The following LRFN2 variants were observed in gnomAD, a reference collection of about 807,000 sequenced individuals.
LRFN2 encodes the protein leucine-rich repeat and fibronectin type-III domain-containing protein 2.
Under a neutral mutation model 37.3 loss-of-function variants are expected in LRFN2, and 18 were observed. That is an observed-to-expected ratio of 0.48 (90% CI 0.33 to 0.72). The LOEUF (loss-of-function observed/expected upper bound fraction) is 0.72. Ranked by LOEUF, LRFN2 falls within the 30% of genes least tolerant of loss-of-function variation. LRFN2 has a pLI of 0.02. For missense variants in LRFN2, 1,006 were observed against 1,060.7 expected (o/e 0.95, Z 0.72); for synonymous variants, 556 against 466.6 (o/e 1.19, Z -2.47).
At chr6:40,573,300 C>G (rs1046536416) in intron 1 of LRFN2, among the ~76,000 whole-genome samples, 1 of 152,214 alleles carries the variant, frequency 6.6e-6, no homozygotes, top group South Asian at 2.1e-4. Context: ...GGATAGGAGG[C>G]AAGCTGCAGC....
At chr6:40,435,059 A>T (rs1163104515) in intron 1 of LRFN2, among the ~76,000 whole-genome samples, 2 of 102,700 alleles carry the variant, frequency 1.9e-5, no homozygotes, top group African/African-American at 4.6e-5. Flanking sequence ...ATATAGAGAG[A>T]GAGAGAGAGA....
intron 1 of LRFN2, among the ~76,000 whole-genome samples, chr6:40,530,644 C>T (rs1432343252): frequency 6.6e-6 from 1 of 151,942 alleles, no homozygotes; most frequent in Non-Finnish European, 1.5e-5. Flanking sequence ...GGACCCGTCA[C>T]CCCCAGCACC....
At chr6:40,403,219 TAGAATTACC>T (rs897245731) in intron 2 of LRFN2, among the ~76,000 whole-genome samples, 2 of 152,152 alleles carry the variant, frequency 1.3e-5, no homozygotes, top group African/African-American at 4.8e-5. Context: ...TCAGAGTAGT[TAGAATTACC>T]AGAATTACCA....
intron 1 of LRFN2, among the ~76,000 whole-genome samples, chr6:40,537,292 C>T (rs1766467140): frequency 6.6e-6 from 1 of 152,200 alleles, no homozygotes; most frequent in Non-Finnish European, 1.5e-5. Context: ...ATCGTAGGCC[C>T]TCAGGAATAT....
At chr6:40,526,277 G>A (rs918627399) in intron 1 of LRFN2, among the ~76,000 whole-genome samples, 3 of 152,216 alleles carry the variant, frequency 2.0e-5, no homozygotes, top group Admixed American at 1.3e-4. Flanking sequence ...GAGCAAAAAG[G>A]TCATTTCAAG....
chr6:40,445,906 C>A (rs1375663436), intron 1 of LRFN2, among the ~76,000 whole-genome samples: 1 of 152,194 alleles, frequency 6.6e-6, no homozygotes, highest in Non-Finnish European at 1.5e-5. Flanking sequence ...TGAGTCAATC[C>A]TGTAAAACAC....
chr6:40,515,828 G>T (rs1467039305), intron 1 of LRFN2, among the ~76,000 whole-genome samples: 1 of 149,752 alleles, frequency 6.7e-6, no homozygotes, highest in Non-Finnish European at 1.5e-5. Context: ...GGGAGGAGGA[G>T]GTTGCAGTGA....
chr6:40,440,686 A>C (rs1486691726), intron 1 of LRFN2, among the ~76,000 whole-genome samples: 3 of 152,078 alleles, frequency 2.0e-5, no homozygotes, highest in Admixed American at 1.3e-4. Flanking sequence ...ACAGAGGATA[A>C]ATACCTCAAC....
chr6:40,575,974 A>C (rs1429100617), intron 1 of LRFN2, among the ~76,000 whole-genome samples: 1 of 152,220 alleles, frequency 6.6e-6, no homozygotes, highest in Non-Finnish European at 1.5e-5. Context: ...TTAGAATAGC[A>C]CAGGGCTCAC....
At chr6:40,539,227 C>A (rs1766507157) in intron 1 of LRFN2, among the ~76,000 whole-genome samples, 1 of 152,182 alleles carries the variant, frequency 6.6e-6, no homozygotes, top group African/African-American at 2.4e-5. Flanking sequence ...ATATCTGGAG[C>A]CTTCCTAAAC....
At chr6:40,404,682 A>G (rs1762807393) in intron 2 of LRFN2, among the ~76,000 whole-genome samples, 1 of 152,108 alleles carries the variant, frequency 6.6e-6, no homozygotes, top group South Asian at 2.1e-4. Context: ...TAACACTGTC[A>G]TTTTCTATGT....
At chr6:40,428,717 T>C (rs1330986308) in intron 2 of LRFN2, among the ~76,000 whole-genome samples, 10 of 152,198 alleles carry the variant, frequency 6.6e-5, no homozygotes, top group Admixed American at 6.5e-4. Flanking sequence ...TCCAGAAGGA[T>C]TAAATGAGAT....
intron 1 of LRFN2, among the ~76,000 whole-genome samples, chr6:40,488,819 T>C (rs1664584599): frequency 6.6e-6 from 1 of 152,150 alleles, no homozygotes; most frequent in South Asian, 2.1e-4. Context: ...TGCATTTCCC[T>C]ATCCCTCAGG....
intron 1 of LRFN2, among the ~76,000 whole-genome samples, chr6:40,455,458 T>G (rs1056812935): frequency 6.6e-5 from 10 of 152,172 alleles, no homozygotes; most frequent in African/African-American, 2.4e-4. Flanking sequence ...AGCAGACCCT[T>G]AAGGGGCCAA....
chr6:40,549,396 A>C (rs1437550037), intron 1 of LRFN2, among the ~76,000 whole-genome samples: 2 of 152,190 alleles, frequency 1.3e-5, no homozygotes, highest in Admixed American at 6.5e-5. Context: ...GTCTCAGGCT[A>C]TGTACCTGAT....
At position 40,499,714 on chromosome 6, in the gene LRFN2, A is replaced by G. The variant is rs578148591; in HGVS notation, c.-18-66583T>C. 4.6e-4 allele frequency among the ~76,000 whole-genome samples: 70 copies of G among 152,106 alleles called. 1 individual carries two copies. Among genetic ancestry groups the G allele is most frequent in the Admixed American group, 2.0e-3 (31 of 15,286 alleles). The stretch of plus-strand genomic sequence containing the variant: ...TGCCTGACACCGCATGAGACCAGTG[A>G]CCCACTCCCCCTTAGAGTGTGGCGA... On this transcript the variant is annotated intron_variant, in intron 1 of 2. Coordinates refer to ENST00000338305, the MANE Select transcript of LRFN2 (RefSeq NM_020737.3).
At chr6:40,439,210 G>A (rs528438162) in intron 1 of LRFN2, among the ~76,000 whole-genome samples, 5 of 152,194 alleles carry the variant, frequency 3.3e-5, no homozygotes, top group Non-Finnish European at 7.3e-5. Context: ...ACCAGCCGAG[G>A]AGCCGCCCGC....
intron 1 of LRFN2, among the ~76,000 whole-genome samples, chr6:40,459,127 C>G (rs1303492190): frequency 6.6e-6 from 1 of 152,206 alleles, no homozygotes; most frequent in East Asian, 1.9e-4. Flanking sequence ...CTAAAGATCT[C>G]TACCTTCCCT....
chr6:40,452,485 T>G (rs912527931), intron 1 of LRFN2, among the ~76,000 whole-genome samples: 5 of 152,212 alleles, frequency 3.3e-5, no homozygotes, highest in Non-Finnish European at 7.3e-5. Context: ...TCCTGAGCAC[T>G]GCTGGATTAT....
Sources: gnomAD v4.1 joint callset for allele counts (sites outside exome capture counted in the v4.1 genomes callset) on GRCh38, gnomAD v4.1.1 for gene constraint, MANE v1.5 for transcripts, NCBI Gene and HGNC (gene_info 2026-07-23, HGNC 2026-07-21) for gene names.